Variants in CNBD2 observed in about 807,000 individuals in gnomAD.
The protein encoded by CNBD2 is cyclic nucleotide-binding domain-containing protein 2.
CNBD2 carries 64 observed loss-of-function variants against 63.7 expected under a neutral mutation model. The ratio of observed to expected loss-of-function variants is 1.00; its 90% CI spans 0.82 to 1.24. The LOEUF (loss-of-function observed/expected upper bound fraction) is 1.24, where lower values mean the gene tolerates loss of function less well. Ranked by LOEUF, CNBD2 falls within the 50% of genes most tolerant of loss-of-function variation. CNBD2 has a pLI of 0.00. For synonymous variants in CNBD2, 229 were observed against 255.4 expected (o/e 0.90, Z 0.99); for missense variants, 691 against 713.5 (o/e 0.97, Z 0.36).
intron 1 of CNBD2, 71 bp downstream of exon 1, chr20:35,968,884 A>T: frequency 8.1e-7 from 1 of 1,227,722 alleles, no homozygotes; most frequent in Non-Finnish European, 1.2e-6. Flanking sequence ...AGGAAGGTCG[A>T]TGCAGGTGTA....
chr20:35,968,613 T>G lies in CNBD2; in HGVS notation c.-150T>G. ...TCAGAGCAGGGCTTCCAGTAGCTGA[T>G]GGTATGGTAGGAGGAGTGGAGTGGA... On this transcript the variant is annotated 5_prime_UTR_variant, in exon 1 of 12. An upstream start codon of the reference 5' UTR is lost. Transcript: ENST00000373973. The G allele has an allele frequency of 5.3e-6, 3 of 564,668 alleles. No homozygotes were observed. Among genetic ancestry groups the G allele is most frequent in the East Asian group, 6.2e-5 (2 of 32,134 alleles). 35.0% of individuals were successfully genotyped at this position (564,668 alleles called of 1,614,324 possible).
chr20:36,006,509 C>G (rs1437983475), intron 8 of CNBD2, among the ~76,000 whole-genome samples: 1 of 152,168 alleles, frequency 6.6e-6, no homozygotes, highest in Non-Finnish European at 1.5e-5. Flanking sequence ...CTTGACCTCC[C>G]AGACTCAAGT....
At chr20:35,983,800 G>A (rs1017736733) in intron 4 of CNBD2, among the ~76,000 whole-genome samples, 182 bp from the exon 5 acceptor site, 4 of 152,172 alleles carry the variant, frequency 2.6e-5, no homozygotes, top group South Asian at 2.1e-4. Context: ...GGCAGGCAAC[G>A]GGATAGGTGT....
intron 4 of CNBD2, 64 bp downstream of exon 4, chr20:35,980,686 G>A: frequency 1.3e-6 from 2 of 1,526,206 alleles, no homozygotes; most frequent in Non-Finnish European, 1.8e-6. Context: ...GAGCCTGGCT[G>A]AGAAGGTGTG....
At chr20:36,027,137 T>G (rs1457097371) in intron 11 of CNBD2, among the ~76,000 whole-genome samples, 1 of 152,284 alleles carries the variant, frequency 6.6e-6, no homozygotes, top group Admixed American at 6.5e-5. Context: ...CGTGAATATG[T>G]GCCAAATATG....
chr20:36,010,130 A>ACT (rs1398777300), intron 9 of CNBD2, among the ~76,000 whole-genome samples: 1 of 151,950 alleles, frequency 6.6e-6, no homozygotes, highest in Admixed American at 6.6e-5. Context: ...AGAAGAGGAG[A>ACT]CTCAGTGGGG....
chr20:35,994,057 T>TG (rs1342275475), intron 7 of CNBD2, among the ~76,000 whole-genome samples: 7 of 151,224 alleles, frequency 4.6e-5, no homozygotes, highest in East Asian at 1.9e-4. Flanking sequence ...TTTTGTTTTT[T>TG]TTTGTTTGTT....
chr20:35,984,855 G>A (rs2056647243), intron 6 of CNBD2, 77 bp downstream of exon 6: 1 of 1,446,620 alleles, frequency 6.9e-7, no homozygotes, highest in Non-Finnish European at 9.6e-7. Flanking sequence ...CCTAGGCCTG[G>A]TGGGAAACAT....
Position 36,008,473 on chromosome 20 carries a change from C to T in CNBD2, c.1147C>T (p.Gln383Ter), listed in dbSNP as rs2057014721. The change falls in exon 9 of 12, where the codon CAA becomes TAA. Residue 383 changes from glutamine to a stop codon, truncating the protein, a stop_gained and splice_region_variant. Coordinates refer to ENST00000373973, the MANE Select transcript of CNBD2 (RefSeq NM_001365709.1). LOFTEE classifies it high-confidence loss of function. The part of the protein sequence containing the change: ...TLPKMLGPKI[Q>*]SRPAQSIKCA... ...CCCCAAGATGCTGGGCCCGAAGATC[C>T]AGTAAGCTCAGCCCTGGGCAGATAG... 2 of 1,609,744 alleles carry T rather than the reference C, an allele frequency of 1.2e-6. No individual in the cohort carries two copies. The highest frequency in any genetic ancestry group is 1.7e-4 in the Middle Eastern group (1 of 6,020).
At chr20:36,029,569 C>T (rs769659977) in intron 11 of CNBD2, among the ~76,000 whole-genome samples, 2 of 152,080 alleles carry the variant, frequency 1.3e-5, no homozygotes, top group African/African-American at 2.4e-5. Context: ...GAGGTGCACA[C>T]GGTCAGCTTT....
At chr20:35,978,634 G>A (rs1351046064) in intron 3 of CNBD2, among the ~76,000 whole-genome samples, 10 of 151,978 alleles carry the variant, frequency 6.6e-5, no homozygotes, top group Middle Eastern at 3.2e-3. Flanking sequence ...AAGAGCCACC[G>A]TGCCCGGCCC....
chr20:35,961,760 T>C (rs1267213986), intron 2 of CNBD2, among the ~76,000 whole-genome samples: 3 of 152,214 alleles, frequency 2.0e-5, no homozygotes, highest in South Asian at 2.1e-4. Context: ...CTTGGCTTCA[T>C]AGTGAAGCTT....
intron 6 of CNBD2, among the ~76,000 whole-genome samples, chr20:35,985,904 T>C (rs776325708): frequency 5.9e-5 from 9 of 152,202 alleles, no homozygotes; most frequent in Non-Finnish European, 1.0e-4. Context: ...CTATAATCCT[T>C]ATGTTGTCAC....
chr20:36,001,845 C>A (rs554566443), intron 8 of CNBD2, among the ~76,000 whole-genome samples: 5,136 of 149,862 alleles, frequency 0.034, 260 homozygotes, highest in African/African-American at 0.12. Context: ...GGATGGCGGC[C>A]GGGAAGAGGC....
upstream of CNBD2, chr20:35,954,420 G>C: frequency 6.4e-7 from 1 of 1,551,588 alleles, no homozygotes; most frequent in Non-Finnish European, 8.7e-7. Flanking sequence ...GTCGGACTCG[G>C]GACCGGCCGA....
chr20:36,016,582 G>T (rs562509138), intron 10 of CNBD2, among the ~76,000 whole-genome samples: 113 of 152,216 alleles, frequency 7.4e-4, no homozygotes, highest in Admixed American at 2.2e-3. Context: ...CTGAGGTTGG[G>T]AGTTTGAGAC....
intron 10 of CNBD2, among the ~76,000 whole-genome samples, chr20:36,019,431 G>GA (rs2057177591): frequency 6.7e-6 from 1 of 150,138 alleles, no homozygotes; most frequent in Non-Finnish European, 1.5e-5. Flanking sequence ...GCTGAGGCAG[G>GA]AGGATCCCTT....
chr20:35,994,958 T>A (rs943992370), intron 7 of CNBD2, 80 bp from the exon 8 acceptor site: 31 of 922,654 alleles, frequency 3.4e-5, no homozygotes, highest in Non-Finnish European at 5.2e-5. Flanking sequence ...AAGATGCAAT[T>A]AAGAGAGATT....
At chr20:35,954,594 G>T, upstream of CNBD2, 1 of 1,410,194 alleles carries the variant, frequency 7.1e-7, no homozygotes, top group East Asian at 3.4e-5. Flanking sequence ...GGCGGCTGCT[G>T]CCCTCGCGGT....
Sources: gnomAD v4.1 joint callset for allele counts (sites outside exome capture counted in the v4.1 genomes callset) on GRCh38, gnomAD v4.1.1 for gene constraint, MANE v1.5 for transcripts, NCBI Gene and HGNC (gene_info 2026-07-23, HGNC 2026-07-21) for gene names.